The following CCSER1 variants were observed in gnomAD, a reference collection of about 807,000 sequenced individuals.
CCSER1 encodes serine-rich coiled-coil domain-containing protein 1.
A neutral mutation model predicts 82.0 loss-of-function variants in CCSER1; 41 were observed. The ratio of observed to expected loss-of-function variants is 0.50; its 90% confidence interval spans 0.39 to 0.65. The LOEUF is 0.65. Among genes scored for constraint, CCSER1 ranks in the 30% least tolerant of loss-of-function variants. The pLI, the probability that CCSER1 is intolerant of heterozygous loss-of-function variation, is 0.00. For missense variants in CCSER1, 1,119 were observed against 1,064.2 expected (o/e 1.05, Z -0.72); for synonymous variants, 414 against 383.9 (o/e 1.08, Z -0.92).
intron 9 of CCSER1, among the ~76,000 whole-genome samples, chr4:91,019,317 T>G (rs956257877): frequency 6.6e-6 from 1 of 152,088 alleles, no homozygotes; most frequent in Non-Finnish European, 1.5e-5. Flanking sequence ...ATTTCAAATC[T>G]TATATCCATG....
chr4:91,052,650 A>T (rs1237384969), intron 9 of CCSER1, among the ~76,000 whole-genome samples: 2 of 152,234 alleles, frequency 1.3e-5, no homozygotes, highest in Non-Finnish European at 2.9e-5. Context: ...GTACTGTTTC[A>T]CATAAACCTG....
intron 10 of CCSER1, among the ~76,000 whole-genome samples, chr4:91,341,465 GA>G (rs1011873793): frequency 5.3e-5 from 8 of 152,116 alleles, no homozygotes; most frequent in South Asian, 4.1e-4. Flanking sequence ...TTCTGATAGA[GA>G]AAAAAATTGA....
chr4:91,042,714 C>T (rs1208471585), intron 9 of CCSER1, among the ~76,000 whole-genome samples: 1 of 152,000 alleles, frequency 6.6e-6, no homozygotes, highest in East Asian at 1.9e-4. Flanking sequence ...GATAATACAA[C>T]TTTTTAAAAT....
At chr4:91,452,299 A>C (rs182581889) in intron 10 of CCSER1, among the ~76,000 whole-genome samples, 8 of 152,076 alleles carry the variant, frequency 5.3e-5, no homozygotes, top group African/African-American at 1.9e-4. Flanking sequence ...CTTGTAACTC[A>C]AGCCTTTTGA....
chr4:91,518,538 C>T (rs1560732932), intron 10 of CCSER1, among the ~76,000 whole-genome samples: 2 of 152,116 alleles, frequency 1.3e-5, no homozygotes, highest in Admixed American at 1.3e-4. Context: ...TGGAGCTGCT[C>T]CTACTGAGAC....
chr4:90,787,667 T>A (rs943607406), intron 7 of CCSER1, among the ~76,000 whole-genome samples: 4 of 152,218 alleles, frequency 2.6e-5, no homozygotes, highest in Non-Finnish European at 5.9e-5. Context: ...GAGGTGATAC[T>A]TCTCTTACAA....
chr4:90,873,868 A>G (rs1036928745), intron 8 of CCSER1, among the ~76,000 whole-genome samples: 1 of 152,144 alleles, frequency 6.6e-6, no homozygotes, highest in Non-Finnish European at 1.5e-5. Context: ...GATGACATTC[A>G]TAGTCCCAAT....
intron 10 of CCSER1, among the ~76,000 whole-genome samples, chr4:91,119,678 A>G (rs1726921659): frequency 6.6e-6 from 1 of 152,006 alleles, no homozygotes. Flanking sequence ...TTTACTATGT[A>G]TATAAGTATA....
At chr4:90,908,835 T>C (rs926539056) in intron 8 of CCSER1, among the ~76,000 whole-genome samples, 3 of 152,166 alleles carry the variant, frequency 2.0e-5, no homozygotes, top group African/African-American at 7.2e-5. Flanking sequence ...CTGCTATTAT[T>C]TACAGAAACT....
intron 4 of CCSER1, among the ~76,000 whole-genome samples, chr4:90,412,808 T>G (rs530367505): frequency 6.6e-6 from 1 of 152,128 alleles, no homozygotes; most frequent in African/African-American, 2.4e-5. Flanking sequence ...TCATACTGAA[T>G]GGGGAAAAGT....
At chr4:91,125,162 A>T (rs1727404320) in intron 10 of CCSER1, among the ~76,000 whole-genome samples, 1 of 151,746 alleles carries the variant, frequency 6.6e-6, no homozygotes, top group African/African-American at 2.4e-5. Flanking sequence ...GGTATATTTT[A>T]AAAAATGAAT....
chr4:90,483,965 T>A (rs185074366), intron 5 of CCSER1, among the ~76,000 whole-genome samples: 7 of 152,328 alleles, frequency 4.6e-5, no homozygotes, highest in Admixed American at 6.5e-5. Flanking sequence ...TCCTGCAGAG[T>A]GTTTTCCAAC....
intron 1 of CCSER1, among the ~76,000 whole-genome samples, chr4:90,275,654 T>C (rs1727407703): frequency 6.6e-6 from 1 of 152,176 alleles, no homozygotes; most frequent in African/African-American, 2.4e-5. Context: ...ATAGATTGTA[T>C]ATTCATGAAG....
chr4:90,702,568 A>G (rs1020489120), intron 6 of CCSER1, among the ~76,000 whole-genome samples: 3 of 152,094 alleles, frequency 2.0e-5, no homozygotes, highest in Admixed American at 2.0e-4. Flanking sequence ...TCCTTGTACC[A>G]CTGCTAGAAT....
At chr4:90,939,122 T>A (rs1242301053) in intron 9 of CCSER1, among the ~76,000 whole-genome samples, 1 of 152,154 alleles carries the variant, frequency 6.6e-6, no homozygotes, top group Admixed American at 6.6e-5. Context: ...GTAGATTAGA[T>A]CAGTTTGAAA....
chr4:90,912,241 G>A (rs1561349342), intron 8 of CCSER1, among the ~76,000 whole-genome samples: 2 of 152,206 alleles, frequency 1.3e-5, no homozygotes, highest in African/African-American at 4.8e-5. Flanking sequence ...TGTCTGCCCA[G>A]TAGGGGCAGA....
At chr4:91,425,040 T>C (rs951254935) in intron 10 of CCSER1, among the ~76,000 whole-genome samples, 1 of 152,140 alleles carries the variant, frequency 6.6e-6, no homozygotes, top group Non-Finnish European at 1.5e-5. Context: ...AAAACTATCC[T>C]ATGAATATAT....
At chr4:91,094,203 G>A (rs1270505103) in intron 10 of CCSER1, among the ~76,000 whole-genome samples, 1 of 152,144 alleles carries the variant, frequency 6.6e-6, no homozygotes, top group Non-Finnish European at 1.5e-5. Flanking sequence ...GGAAACTTCT[G>A]GAGGTCTCGA....
At chr4:90,210,548 A>C (rs1204381158) in intron 1 of CCSER1, among the ~76,000 whole-genome samples, 1 of 151,338 alleles carries the variant, frequency 6.6e-6, no homozygotes, top group Non-Finnish European at 1.5e-5. Context: ...GGCTCAAGCG[A>C]TCCTCCTGCC....
Sources: allele counts gnomAD v4.1 joint callset (sites outside exome capture counted in the v4.1 genomes callset), GRCh38; gene constraint gnomAD v4.1.1; transcripts MANE v1.5; gene names NCBI Gene and HGNC (gene_info 2026-07-23, HGNC 2026-07-21).